The following KLHL29 variants were observed in gnomAD, a reference collection of about 807,000 sequenced individuals.
The protein encoded by KLHL29 is kelch like family member 29, also known as kelch-like protein 29.
In KLHL29, 21 loss-of-function variants were observed where a neutral mutation model predicts 80.4. The ratio of observed to expected loss-of-function variants is 0.26; its 90% CI spans 0.19 to 0.38. The LOEUF is 0.38. KLHL29 is among the 10% of genes least tolerant of loss of function. The pLI is 1.00. For missense variants in KLHL29, 867 were observed against 1,223.9 expected, an observed-to-expected ratio of 0.71 and a Z score of 4.35; for synonymous variants, 511 against 526.8, an observed-to-expected ratio of 0.97 and a Z score of 0.41.
chr2:23,474,867 G>T (rs946142182), intron 1 of KLHL29, among the ~76,000 whole-genome samples: 1 of 152,160 alleles, frequency 6.6e-6, no homozygotes, highest in Non-Finnish European at 1.5e-5. Context: ...GGTAATGACA[G>T]TCGTGCGTTT....
intron 1 of KLHL29, among the ~76,000 whole-genome samples, chr2:23,422,671 TTGTC>T (rs1662854001): frequency 1.3e-5 from 2 of 150,732 alleles, no homozygotes; most frequent in South Asian, 4.2e-4. Flanking sequence ...CCGTGTGTCT[TTGTC>T]TGTGTTGTGT....
At position 23,532,107 on chromosome 2, in the gene KLHL29, G is replaced by A. The variant is rs544288466; in HGVS notation, c.-45-30045G>A. 7.2e-5 allele frequency among the ~76,000 whole-genome samples: 11 copies of A among 152,218 alleles called. No homozygotes were observed. In the East Asian group the frequency reaches 2.1e-3, roughly 29 times the overall value. ...GCCTATTCCACAACGACCCCCCACAGACCAGAACCCGCTCCACTGGGGCCA... is the reference window on the plus strand; with the variant it reads ...GCCTATTCCACAACGACCCCCCACAAACCAGAACCCGCTCCACTGGGGCCA... On this transcript the variant is annotated intron_variant, in intron 2 of 13. Coordinates refer to ENST00000486442, the MANE Select transcript of KLHL29 (RefSeq NM_052920.2).
In KLHL29 at chr2:23,691,881, G is replaced by A; in HGVS notation, c.1282+5G>A. Reference sequence around the variant, plus strand: ...AAGTCTGCGTGTCCTTTCTCGGTGAGCCCGGGGGCCACATATGTCGCTTGG... The same window carrying A: ...AAGTCTGCGTGTCCTTTCTCGGTGAACCCGGGGGCCACATATGTCGCTTGG... On this transcript the variant is annotated splice_donor_5th_base_variant and intron_variant, in intron 7 of 13. Transcript: ENST00000486442. The A allele has an allele frequency of 6.5e-7, 1 of 1,547,814 alleles. No individual in the cohort carries two copies. Among genetic ancestry groups the A allele is most frequent in the South Asian group, 1.2e-5 (1 of 84,046 alleles).
chr2:23,392,227 G>A (rs974065965), intron 1 of KLHL29, among the ~76,000 whole-genome samples: 1 of 152,180 alleles, frequency 6.6e-6, no homozygotes, highest in Non-Finnish European at 1.5e-5. Context: ...CTCAGAAACT[G>A]TAGATGCCAA....
intron 1 of KLHL29, among the ~76,000 whole-genome samples, chr2:23,433,334 G>A (rs925418320): frequency 4.6e-5 from 7 of 152,194 alleles, no homozygotes; most frequent in African/African-American, 1.4e-4. Flanking sequence ...GGCATTCCCC[G>A]GATCCGAGCT....
chr2:23,445,287 T>G (rs117062151), intron 1 of KLHL29, among the ~76,000 whole-genome samples: 1 of 152,224 alleles, frequency 6.6e-6, no homozygotes, highest in Admixed American at 6.5e-5. Context: ...TTTTTTTCTT[T>G]CCAGTGCATC....
intron 3 of KLHL29, among the ~76,000 whole-genome samples, chr2:23,565,236 T>C (rs1667561364): frequency 1.3e-5 from 2 of 152,136 alleles, no homozygotes; most frequent in Admixed American, 6.5e-5. Context: ...CCTTTTTTTT[T>C]CTTCTTCAGT....
intron 1 of KLHL29, among the ~76,000 whole-genome samples, chr2:23,414,871 C>T (rs1015637336): frequency 2.0e-5 from 3 of 152,234 alleles, no homozygotes; most frequent in African/African-American, 7.2e-5. Context: ...TTCTATCATC[C>T]AAGATTCTTT....
chr2:23,616,793 T>A (rs1374169285), intron 3 of KLHL29: 2 of 152,204 alleles, frequency 1.3e-5, no homozygotes, highest in Non-Finnish European at 2.9e-5. Context: ...CTGCACCAAG[T>A]CTGTGTGACT....
chr2:23,479,955 A>G (rs1664742042), intron 2 of KLHL29, among the ~76,000 whole-genome samples: 2 of 152,210 alleles, frequency 1.3e-5, no homozygotes, highest in Non-Finnish European at 1.5e-5. Flanking sequence ...TGTCCTCATA[A>G]GCAGCGTGGT....
chr2:23,511,670 G>A (rs1298727259), intron 2 of KLHL29, among the ~76,000 whole-genome samples: 1 of 152,204 alleles, frequency 6.6e-6, no homozygotes, highest in Non-Finnish European at 1.5e-5. Flanking sequence ...CACAAATTTT[G>A]TTTTTTCTGA....
intron 1 of KLHL29, among the ~76,000 whole-genome samples, chr2:23,471,713 T>C (rs139959339): frequency 3.3e-5 from 5 of 152,198 alleles, no homozygotes; most frequent in African/African-American, 1.2e-4. Context: ...ATGAAATTAG[T>C]GGAAGGGAAA....
chr2:23,488,318 G>C (rs1558356836), intron 2 of KLHL29, among the ~76,000 whole-genome samples: 1 of 152,366 alleles, frequency 6.6e-6, no homozygotes, highest in East Asian at 1.9e-4. Context: ...GGGGGGCCCA[G>C]CTACTGCCAG....
At chr2:23,463,256 T>C (rs2103429680) in intron 1 of KLHL29, among the ~76,000 whole-genome samples, 1 of 152,012 alleles carries the variant, frequency 6.6e-6, no homozygotes, top group East Asian at 1.9e-4. Flanking sequence ...TAGGTAAATA[T>C]TCACAGTCTC....
At chr2:23,495,318 A>C (rs749027984) in intron 2 of KLHL29, among the ~76,000 whole-genome samples, 1 of 152,098 alleles carries the variant, frequency 6.6e-6, no homozygotes, top group South Asian at 2.1e-4. Flanking sequence ...GAGCCCCCCA[A>C]TCCTGGTGCC....
chr2:23,541,700 T>G (rs919875211), intron 2 of KLHL29, among the ~76,000 whole-genome samples: 5 of 151,816 alleles, frequency 3.3e-5, no homozygotes, highest in African/African-American at 1.2e-4. Flanking sequence ...GCATTCACCG[T>G]TCTTTCTCAA....
chr2:23,390,570 A>G (rs1666293642), intron 1 of KLHL29, among the ~76,000 whole-genome samples: 1 of 152,018 alleles, frequency 6.6e-6, no homozygotes, highest in African/African-American at 2.4e-5. Flanking sequence ...ATACATATAT[A>G]TAGTTATATA....
intron 3 of KLHL29, among the ~76,000 whole-genome samples, chr2:23,624,072 C>T (rs1669251718): frequency 6.6e-6 from 1 of 152,172 alleles, no homozygotes. Context: ...ATAGATGTGT[C>T]TCCAGGGAGA....
At chr2:23,549,270 C>A (rs1210768834) in intron 2 of KLHL29, among the ~76,000 whole-genome samples, 1 of 152,180 alleles carries the variant, frequency 6.6e-6, no homozygotes, top group Non-Finnish European at 1.5e-5. Flanking sequence ...AGCAAAGTAT[C>A]CCTGCTTGGT....
Sources: allele counts gnomAD v4.1 joint callset (sites outside exome capture counted in the v4.1 genomes callset), GRCh38; gene constraint gnomAD v4.1.1; transcripts MANE v1.5; gene names NCBI Gene and HGNC (gene_info 2026-07-23, HGNC 2026-07-21).